The following GRIP1 variants were observed in gnomAD, a reference collection of about 807,000 sequenced individuals.
GRIP1 encodes glutamate receptor interacting protein 1.
Under a neutral mutation model 129.9 loss-of-function variants are expected in GRIP1, and 45 were observed. The ratio of observed to expected loss-of-function variants is 0.35; its 90% CI spans 0.27 to 0.44. The LOEUF (loss-of-function observed/expected upper bound fraction) is 0.44. Among genes scored for constraint, GRIP1 ranks in the 20% least tolerant of loss-of-function variants. The pLI is 1.00. For missense variants in GRIP1, 1,196 were observed against 1,396.8 expected (o/e 0.86, Z 2.29); for synonymous variants, 530 against 520.8 (o/e 1.02, Z -0.24).
At chr12:66,722,676 G>A (rs2036094929) in intron 1 of GRIP1, among the ~76,000 whole-genome samples, 1 of 152,118 alleles carries the variant, frequency 6.6e-6, no homozygotes, top group Non-Finnish European at 1.5e-5. Context: ...AATAAAATGA[G>A]GGATGCCTGT....
chr12:67,039,826 C>T (rs1311207531), intron 1 of GRIP1, among the ~76,000 whole-genome samples: 2 of 152,132 alleles, frequency 1.3e-5, no homozygotes, highest in African/African-American at 4.8e-5. Context: ...CTCCTGGTGA[C>T]TCATTATAAA....
chr12:66,465,331 G>A lies in GRIP1; in HGVS notation c.816C>T (p.Cys272=). Residue 272 remains cysteine (C), a synonymous_variant, in exon 8 of 25, where the codon TGC becomes TGT. Transcript: ENST00000359742. ...CTATGACAATGACTTGTTTGTTACAGCACATCGAGGTAGTTAGGGCAACCC... is the reference window on the plus strand; with the variant it reads ...CTATGACAATGACTTGTTTGTTACAACACATCGAGGTAGTTAGGGCAACCC... ...SLGVALTTSM[C]CNKQVIVIDK... The A allele has an allele frequency of 6.2e-7, 1 of 1,613,652 alleles. No individual in the cohort carries two copies. The highest frequency in any genetic ancestry group is 1.1e-5 in the South Asian group (1 of 91,082).
intron 7 of GRIP1, among the ~76,000 whole-genome samples, chr12:66,502,340 C>T (rs1465026534): frequency 1.3e-5 from 2 of 152,156 alleles, no homozygotes; most frequent in Non-Finnish European, 2.9e-5. Context: ...TACTCTGAAT[C>T]AACTACTCAT....
At chr12:66,579,004 AC>A (rs1353626320) in intron 2 of GRIP1, among the ~76,000 whole-genome samples, 2 of 151,914 alleles carry the variant, frequency 1.3e-5, no homozygotes, top group Non-Finnish European at 2.9e-5. Context: ...ACTGGGAGGC[AC>A]CCCCCAGTAG....
chr12:67,067,862 T>C (rs2043656918), intron 1 of GRIP1, among the ~76,000 whole-genome samples: 1 of 152,194 alleles, frequency 6.6e-6, no homozygotes, highest in South Asian at 2.1e-4. Flanking sequence ...CGGCCTCCTC[T>C]GGCTTTCCTC....
chr12:66,421,454 G>A (rs1373639176), intron 14 of GRIP1, among the ~76,000 whole-genome samples: 1 of 152,122 alleles, frequency 6.6e-6, no homozygotes, highest in Non-Finnish European at 1.5e-5. Flanking sequence ...TGAGGCAGGA[G>A]AATTGCTTTT....
chr12:66,404,684 G>A (rs2057126489), intron 16 of GRIP1, among the ~76,000 whole-genome samples: 1 of 152,072 alleles, frequency 6.6e-6, no homozygotes, highest in Admixed American at 6.6e-5. Context: ...GAATGTAGTT[G>A]TTCTATGAAA....
At chr12:66,920,163 A>G (rs74098147) in intron 1 of GRIP1, among the ~76,000 whole-genome samples, 220 of 152,270 alleles carry the variant, frequency 1.4e-3, no homozygotes, top group African/African-American at 4.8e-3. Context: ...GAAAAAAACT[A>G]CCCAAAAAAT....
intron 1 of GRIP1, among the ~76,000 whole-genome samples, chr12:66,729,898 T>A (rs2036377930): frequency 6.6e-6 from 1 of 152,198 alleles, no homozygotes; most frequent in Admixed American, 6.5e-5. Flanking sequence ...TAAGCCTCTC[T>A]GACTATAAGA....
chr12:66,409,458 T>A (rs957683279), intron 15 of GRIP1, among the ~76,000 whole-genome samples: 1 of 152,214 alleles, frequency 6.6e-6, no homozygotes, highest in African/African-American at 2.4e-5. Context: ...AGAGCCATAG[T>A]GTTACTGGAC....
At chr12:66,741,986 C>T (rs1387694534) in intron 1 of GRIP1, among the ~76,000 whole-genome samples, 1 of 152,142 alleles carries the variant, frequency 6.6e-6, no homozygotes, top group East Asian at 1.9e-4. Context: ...CTAAAGAAAA[C>T]AATTTTCTGT....
intron 1 of GRIP1, among the ~76,000 whole-genome samples, chr12:66,925,510 C>A (rs2041281499): frequency 6.6e-6 from 1 of 152,170 alleles, no homozygotes; most frequent in Non-Finnish European, 1.5e-5. Context: ...GAATTTCTTA[C>A]CATATCTTGT....
At chr12:66,561,336 G>A (rs1430679316) in intron 2 of GRIP1, among the ~76,000 whole-genome samples, 7 of 152,124 alleles carry the variant, frequency 4.6e-5, no homozygotes, top group African/African-American at 1.7e-4. Flanking sequence ...AGTATAATTG[G>A]ATTGTTTGTA....
intron 1 of GRIP1, among the ~76,000 whole-genome samples, chr12:66,886,965 G>A (rs1339918287): frequency 6.6e-6 from 1 of 152,156 alleles, no homozygotes; most frequent in African/African-American, 2.4e-5. Flanking sequence ...TATACGAGAG[G>A]TCTATGTCTC....
At chr12:66,882,256 A>T (rs957704663) in intron 1 of GRIP1, among the ~76,000 whole-genome samples, 14 of 151,842 alleles carry the variant, frequency 9.2e-5, no homozygotes, top group Non-Finnish European at 1.6e-4. Context: ...ACACGATGTT[A>T]CAGCATCTGA....
At chr12:66,894,532 G>A (rs2137244225) in intron 1 of GRIP1, among the ~76,000 whole-genome samples, 1 of 152,272 alleles carries the variant, frequency 6.6e-6, no homozygotes, top group South Asian at 2.1e-4. Context: ...CTATGCCCCA[G>A]GAGGAAAGCC....
chr12:66,765,923 G>A (rs143579004), intron 1 of GRIP1, among the ~76,000 whole-genome samples: 123 of 152,266 alleles, frequency 8.1e-4, no homozygotes, highest in African/African-American at 2.9e-3. Context: ...GACATAGGAT[G>A]TCCTTAGTTA....
chr12:66,588,540 T>A (rs1000904632), intron 2 of GRIP1, among the ~76,000 whole-genome samples: 1 of 152,188 alleles, frequency 6.6e-6, no homozygotes, highest in African/African-American at 2.4e-5. Flanking sequence ...TCATTCTAAG[T>A]AAGGATTCTC....
chr12:66,577,177 G>A (rs2063166362), intron 2 of GRIP1, among the ~76,000 whole-genome samples: 3 of 152,200 alleles, frequency 2.0e-5, no homozygotes, highest in Non-Finnish European at 4.4e-5. Context: ...TCAAGCAAGA[G>A]ATGATAGATG....
Sources: gnomAD v4.1 joint callset for allele counts (sites outside exome capture counted in the v4.1 genomes callset) on GRCh38, gnomAD v4.1.1 for gene constraint, MANE v1.5 for transcripts, NCBI Gene and HGNC (gene_info 2026-07-23, HGNC 2026-07-21) for gene names.